Variants in RUVBL1 observed in about 807,000 individuals in gnomAD.
RUVBL1 encodes ruvB-like 1.
RUVBL1 carries 4 observed loss-of-function variants against 52.4 expected under a neutral mutation model. That is an observed-to-expected ratio of 0.08 (90% CI 0.04 to 0.17). RUVBL1 has a LOEUF of 0.17. Ranked by LOEUF, RUVBL1 falls within the 10% of genes least tolerant of loss-of-function variation. The probability of loss-of-function intolerance (pLI) is 1.00; values close to 1 mark genes in which losing one functional copy is unlikely to be tolerated. For missense variants in RUVBL1, 298 were observed against 572.8 expected (o/e 0.52, Z 4.90); for synonymous variants, 217 against 214.4 (o/e 1.01, Z -0.10).
In RUVBL1 at chr3:128,147,493, C is replaced by G. The variant is rs953596609; in HGVS notation, c.-40+5710G>C. Among the ~76,000 whole-genome samples, 6 of 152,114 alleles carry G rather than the reference C, an allele frequency of 3.9e-5. No individual in the cohort carries two copies. In the East Asian group the frequency reaches 7.7e-4, roughly 20 times the overall value. On this transcript the variant is annotated intron_variant, in intron 1 of 9. Transcript: ENST00000464873. Reference sequence around the variant, plus strand: ...GGCTGGGGCGGGAGGATGGTTTGAGCCCAGGAGTTTGAAACTGCAGTGAGC... The same window carrying G: ...GGCTGGGGCGGGAGGATGGTTTGAGGCCAGGAGTTTGAAACTGCAGTGAGC...
chr3:128,100,938 G>A (rs1238185639), intron 5 of RUVBL1, among the ~76,000 whole-genome samples, 194 bp from the exon 6 acceptor site: 1 of 152,166 alleles, frequency 6.6e-6, no homozygotes, highest in African/African-American at 2.4e-5. Context: ...TCCAAAAACT[G>A]GGTTGAAAAA....
At chr3:128,076,055 G>GCA (rs1345055951), downstream of RUVBL1, 1 of 152,816 alleles carries the variant, frequency 6.5e-6, no homozygotes, top group Non-Finnish European at 1.5e-5. This position sits in a 1 kb window ranked among gnomAD's most constrained non-coding sequence, Gnocchi z 6.8. Context: ...TGCACACCTG[G>GCA]CACACGGCTC....
At chr3:128,066,909 T>C (rs1317026726) in intron 9 of RUVBL1, 2 of 1,595,128 alleles carry the variant, frequency 1.3e-6, no homozygotes, top group South Asian at 2.2e-5. Context: ...TGCAGCAGGC[T>C]GAAATGAGGC....
chr3:128,082,667 CT>C lies in RUVBL1; in HGVS notation c.1120-94del. On this transcript the variant is annotated intron_variant, in intron 9 of 10. Coordinates refer to ENST00000322623, the MANE Select transcript of RUVBL1 (RefSeq NM_003707.3). This position sits in a 1 kb window ranked among gnomAD's most constrained non-coding sequence, Gnocchi z 4.7. ...AAGACAATGTTGCTCAGATTTCTCACTGTGCAGCATAAGAGAAACTGAGACC... is the reference window on the plus strand; with the variant it reads ...AAGACAATGTTGCTCAGATTTCTCACGTGCAGCATAAGAGAAACTGAGACC... 9.6e-7 allele frequency: 1 copy of C among 1,043,728 alleles called. No homozygotes were observed. Among genetic ancestry groups the C allele is most frequent in the Admixed American group, 2.3e-5 (1 of 43,150 alleles). The allele number at this position is 1,043,728 out of a possible 1,614,324, so 64.7% of individuals were successfully genotyped here. A position where few individuals can be genotyped will look rare whatever the true frequency, so the allele number is the denominator to read the frequency against.
At chr3:128,086,665 T>TA (rs1169075227) in intron 9 of RUVBL1, among the ~76,000 whole-genome samples, 2 of 152,226 alleles carry the variant, frequency 1.3e-5, no homozygotes, top group African/African-American at 2.4e-5. Flanking sequence ...ATCCTGCACT[T>TA]ACAGCTCCAT....
intron 4 of RUVBL1, among the ~76,000 whole-genome samples, chr3:128,103,237 C>T (rs898089264): frequency 1.3e-5 from 2 of 152,152 alleles, no homozygotes; most frequent in African/African-American, 4.8e-5. Flanking sequence ...TTTATCTGTC[C>T]TACATTGGAG....
At chr3:128,129,390 T>C (rs1277270723) in intron 1 of RUVBL1, among the ~76,000 whole-genome samples, 1 of 152,002 alleles carries the variant, frequency 6.6e-6, no homozygotes, top group African/African-American at 2.4e-5. Flanking sequence ...GTACCGAAAC[T>C]TATGGGATGC....
At chr3:128,099,555 T>C (rs1160184364) in intron 6 of RUVBL1, among the ~76,000 whole-genome samples, 1 of 152,232 alleles carries the variant, frequency 6.6e-6, no homozygotes, top group Non-Finnish European at 1.5e-5. Flanking sequence ...GAGCTGATCA[T>C]GGCTGACTCC....
intron 9 of RUVBL1, chr3:128,069,539 C>T: frequency 1.2e-6 from 2 of 1,614,106 alleles, no homozygotes; most frequent in Non-Finnish European, 1.7e-6. Flanking sequence ...TCCTGGCTGA[C>T]TTCCTAGGCG....
At chr3:128,151,673 G>A (rs1353032042) in intron 1 of RUVBL1, among the ~76,000 whole-genome samples, 2 of 152,050 alleles carry the variant, frequency 1.3e-5, no homozygotes, top group Non-Finnish European at 2.9e-5. Context: ...ACAAGGGCCC[G>A]CTCTCATGAT....
intron 1 of RUVBL1, among the ~76,000 whole-genome samples, chr3:128,149,267 C>A (rs1399734538): frequency 6.6e-6 from 1 of 151,374 alleles, no homozygotes; most frequent in Non-Finnish European, 1.5e-5. Flanking sequence ...TCACTGCAAC[C>A]TCTGCATCCC....
intron 3 of RUVBL1, among the ~76,000 whole-genome samples, chr3:128,108,094 T>A (rs1417872095): frequency 6.6e-6 from 1 of 152,102 alleles, no homozygotes; most frequent in Non-Finnish European, 1.5e-5. Flanking sequence ...ATGACACAGG[T>A]TTCATCTGCT....
chr3:128,152,270 G>C (rs1231576403), intron 1 of RUVBL1, among the ~76,000 whole-genome samples: 1 of 152,170 alleles, frequency 6.6e-6, no homozygotes, highest in East Asian at 1.9e-4. Flanking sequence ...GTTCAATTTA[G>C]AGGTTTGTGG....
intron 2 of RUVBL1, among the ~76,000 whole-genome samples, chr3:128,113,466 T>TC (rs1943443218): frequency 1.3e-5 from 2 of 152,178 alleles, no homozygotes; most frequent in South Asian, 4.1e-4. Context: ...CTCTTCAGTA[T>TC]CCACAGGGAT....
exon 1 of RUVBL1, chr3:128,153,297 C>T: frequency 7.4e-7 from 1 of 1,359,832 alleles, no homozygotes; most frequent in Non-Finnish European, 9.4e-7. Context: ...GAGAGAAACC[C>T]TGCCTACGGT....
chr3:128,127,822 C>A (rs923179452), upstream of RUVBL1, among the ~76,000 whole-genome samples: 1 of 152,140 alleles, frequency 6.6e-6, no homozygotes, highest in East Asian at 1.9e-4. Flanking sequence ...CATGGTGAAA[C>A]CCCATCTCTA....
chr3:128,095,425 GCATACCAGC>G (rs1200520356), intron 8 of RUVBL1, among the ~76,000 whole-genome samples: 1 of 152,246 alleles, frequency 6.6e-6, no homozygotes, highest in African/African-American at 2.4e-5. Context: ...GGCATGCCAG[GCATACCAGC>G]CATAAGGCCC....
rs1944187135 is a variant in RUVBL1 at position 128,150,872 on chromosome 3, A to ATTC, written c.-40+2330_-40+2331insGAA. On this transcript the variant is annotated intron_variant, in intron 1 of 9. Coordinates refer to the RUVBL1 transcript ENST00000464873. ...ATTCTATATATTATATATTATATAT[A>ATTC]TATATTCTATATATATATTCTATAT... Among the ~76,000 whole-genome samples the ATTC allele has an allele frequency of 2.5e-4, 17 of 66,916 alleles. 1 individual carries two copies. In the South Asian group the frequency reaches 7.1e-3, roughly 28 times the overall value. 43.9% of individuals were successfully genotyped at this position (66,916 alleles called of 152,430 possible). A position where few individuals can be genotyped will look rare whatever the true frequency, so the allele number is the denominator to read the frequency against.
At chr3:128,069,715 G>A (rs1942098643) in intron 9 of RUVBL1, 2 of 1,529,440 alleles carry the variant, frequency 1.3e-6, no homozygotes, top group Non-Finnish European at 9.0e-7. Flanking sequence ...CTCGGAAGGG[G>A]AGCTCTCATC....
Sources: gnomAD v4.1 joint callset for allele counts (sites outside exome capture counted in the v4.1 genomes callset) on GRCh38, gnomAD v4.1.1 for gene constraint, Gnocchi (gnomAD v3.1) non-coding constraint, MANE v1.5 for transcripts, NCBI Gene and HGNC (gene_info 2026-07-23, HGNC 2026-07-21) for gene names.